Variants in EFNA5 observed in about 807,000 individuals in gnomAD.
The protein encoded by EFNA5 is ephrin-A5.
Under a neutral mutation model 22.9 loss-of-function variants are expected in EFNA5, and 5 were observed. That is an observed-to-expected ratio of 0.22 (90% CI 0.11 to 0.46). EFNA5 has a LOEUF of 0.46. EFNA5 is among the 20% of genes least tolerant of loss of function. The probability of loss-of-function intolerance (pLI) is 0.99; values close to 1 mark genes in which losing one functional copy is unlikely to be tolerated. For missense variants in EFNA5, 237 were observed against 293.3 expected (o/e 0.81, Z 1.40); for synonymous variants, 113 against 112.2 (o/e 1.01, Z -0.04).
In EFNA5 at chr5:107,496,117, G is replaced by A. The variant is rs566884336; in HGVS notation, c.126-68608C>T. Among the ~76,000 whole-genome samples the A allele has an allele frequency of 7.4e-5, 11 of 147,784 alleles. No homozygotes were observed. The South Asian group carries it at 1.9e-3, about 26-fold the overall frequency. ...AAGGTGGGTGGATCACCTGAGGTCA[G>A]GAGTTCGAGACCAGCTTGGCCAACA... On this transcript the variant is annotated intron_variant, in intron 1 of 4. Coordinates refer to ENST00000333274, the MANE Select transcript of EFNA5 (RefSeq NM_001962.3).
chr5:107,483,096 T>C (rs1750533036), intron 1 of EFNA5, among the ~76,000 whole-genome samples: 1 of 152,140 alleles, frequency 6.6e-6, no homozygotes, highest in African/African-American at 2.4e-5. Flanking sequence ...CTTCTTTATG[T>C]AATAGTGTGA....
intron 1 of EFNA5, among the ~76,000 whole-genome samples, chr5:107,442,954 C>T (rs942330086): frequency 7.4e-6 from 1 of 134,240 alleles, no homozygotes; most frequent in African/African-American, 2.8e-5. Flanking sequence ...AAAAAAAAAA[C>T]CCTGTGAATT....
chr5:107,498,984 G>GTATGTATGTATGTATA (rs1051225730), intron 1 of EFNA5, among the ~76,000 whole-genome samples: 1 of 152,020 alleles, frequency 6.6e-6, no homozygotes, highest in Admixed American at 6.6e-5. Context: ...ATGTATGTAT[G>GTATGTATGTATGTATA]TATGTATGTG....
intron 1 of EFNA5, among the ~76,000 whole-genome samples, chr5:107,434,703 G>C (rs543397943): frequency 2.1e-4 from 32 of 152,280 alleles, no homozygotes; most frequent in Non-Finnish European, 4.4e-4. Context: ...TTACTGAAAG[G>C]AGACAGTGTT....
chr5:107,599,460 T>TG (rs1749544773), intron 1 of EFNA5, among the ~76,000 whole-genome samples: 1 of 152,310 alleles, frequency 6.6e-6, no homozygotes, highest in South Asian at 2.1e-4. Flanking sequence ...CTAATAAAAG[T>TG]GGCTTCATAT....
chr5:107,434,633 G>A (rs373971985), intron 1 of EFNA5, among the ~76,000 whole-genome samples: 2 of 152,196 alleles, frequency 1.3e-5, no homozygotes, highest in African/African-American at 4.8e-5. Context: ...TATGTATGGA[G>A]GTATTTTATC....
chr5:107,545,253 G>A (rs182968890), intron 1 of EFNA5, among the ~76,000 whole-genome samples: 16 of 152,372 alleles, frequency 1.1e-4, no homozygotes, highest in Admixed American at 7.8e-4. Flanking sequence ...AATATCGGCT[G>A]TAAGCCAGAT....
At chr5:107,650,107 T>C (rs986517186) in intron 1 of EFNA5, among the ~76,000 whole-genome samples, 4 of 152,150 alleles carry the variant, frequency 2.6e-5, no homozygotes, top group African/African-American at 9.7e-5. Context: ...AACTATAGTA[T>C]AACTCATATA....
chr5:107,484,453 A>G (rs553228203), intron 1 of EFNA5, among the ~76,000 whole-genome samples: 3 of 152,334 alleles, frequency 2.0e-5, no homozygotes, highest in Admixed American at 2.0e-4. Flanking sequence ...ATTTAAATGG[A>G]TCCATTGCAA....
At chr5:107,436,668 C>A (rs1239894417) in intron 1 of EFNA5, among the ~76,000 whole-genome samples, 1 of 152,048 alleles carries the variant, frequency 6.6e-6, no homozygotes, top group South Asian at 2.1e-4. Context: ...GCACATGAAG[C>A]AGAGCACCTG....
chr5:107,632,374 C>T (rs1561454897), intron 1 of EFNA5, among the ~76,000 whole-genome samples: 1 of 152,120 alleles, frequency 6.6e-6, no homozygotes, highest in South Asian at 2.1e-4. Flanking sequence ...AATTATAACA[C>T]GTTAGCAAAA....
chr5:107,518,329 TA>T (rs1747526423), intron 1 of EFNA5, among the ~76,000 whole-genome samples: 2 of 151,784 alleles, frequency 1.3e-5, no homozygotes, highest in Admixed American at 1.3e-4. Context: ...CCTTGTTTAC[TA>T]GGCTTGCTGG....
intron 1 of EFNA5, among the ~76,000 whole-genome samples, chr5:107,494,522 T>G (rs1230232316): frequency 6.6e-6 from 1 of 152,120 alleles, no homozygotes. Flanking sequence ...TACCTGAGCC[T>G]CCCACCCTCT....
intron 1 of EFNA5, among the ~76,000 whole-genome samples, chr5:107,638,745 A>T (rs1411665551): frequency 6.6e-6 from 1 of 152,202 alleles, no homozygotes; most frequent in Non-Finnish European, 1.5e-5. Context: ...TCTGGAAACA[A>T]TCCTCCACGG....
chr5:107,428,438 A>G (rs1233186713), intron 1 of EFNA5, among the ~76,000 whole-genome samples: 16 of 152,114 alleles, frequency 1.1e-4, no homozygotes, highest in Admixed American at 1.0e-3. Flanking sequence ...CAAACACCAC[A>G]CTGTCTGCTT....
intron 1 of EFNA5, among the ~76,000 whole-genome samples, chr5:107,521,477 T>TATATATA (rs1491511875): frequency 1.1e-5 from 1 of 92,762 alleles, no homozygotes; most frequent in Non-Finnish European, 2.0e-5. Context: ...TATATATATA[T>TATATATA]TTTTTTTTTT....
At chr5:107,501,205 C>A (rs1747125958) in intron 1 of EFNA5, among the ~76,000 whole-genome samples, 2 of 152,148 alleles carry the variant, frequency 1.3e-5, no homozygotes, top group Non-Finnish European at 2.9e-5. Flanking sequence ...ATGGATTAAG[C>A]CTCACTTATA....
intron 1 of EFNA5, chr5:107,506,004 A>T (rs1747242992): frequency 6.6e-6 from 1 of 152,244 alleles, no homozygotes; most frequent in Non-Finnish European, 1.5e-5. Flanking sequence ...CAGTCTACAC[A>T]TTCAACCACT....
At chr5:107,475,154 C>G (rs757946661) in intron 1 of EFNA5, among the ~76,000 whole-genome samples, 4 of 152,228 alleles carry the variant, frequency 2.6e-5, no homozygotes, top group Non-Finnish European at 5.9e-5. Context: ...AAAGGTGTCA[C>G]AGTAGCACAG....
Sources: gnomAD v4.1 joint callset for allele counts (sites outside exome capture counted in the v4.1 genomes callset) on GRCh38, gnomAD v4.1.1 for gene constraint, MANE v1.5 for transcripts, NCBI Gene and HGNC (gene_info 2026-07-23, HGNC 2026-07-21) for gene names.